The following SLF2 variants were observed in gnomAD, a reference collection of about 807,000 sequenced individuals.
The protein encoded by SLF2 is SMC5-SMC6 complex localization factor protein 2.
Under a neutral mutation model 124.3 loss-of-function variants are expected in SLF2, and 68 were observed. That is an observed-to-expected ratio of 0.55 (90% CI 0.45 to 0.67). The LOEUF (loss-of-function observed/expected upper bound fraction) is 0.67, where lower values mean the gene tolerates loss of function less well. SLF2 is among the 30% of genes least tolerant of loss of function. The probability of loss-of-function intolerance (pLI) is 0.00; values close to 1 mark genes in which losing one functional copy is unlikely to be tolerated. For missense variants in SLF2, 1,246 were observed against 1,373.7 expected, an observed-to-expected ratio of 0.91 and a Z score of 1.47; for synonymous variants, 480 against 478.8, an observed-to-expected ratio of 1.00 and a Z score of -0.03.
chr10:100,931,436 G>A (rs1212274305), intron 9 of SLF2, among the ~76,000 whole-genome samples: 2 of 151,482 alleles, frequency 1.3e-5, no homozygotes, highest in African/African-American at 4.8e-5. Context: ...AATTTTAATT[G>A]TATGCTAATA....
chr10:100,946,325 C>CTT lies in SLF2; in HGVS notation c.2935-697_2935-696dup, dbSNP rs34242980. 8.8e-4 allele frequency among the ~76,000 whole-genome samples: 110 copies of CTT among 124,936 alleles called. No homozygotes were observed. The East Asian group carries it at 0.011, about 13-fold the overall frequency. The allele number at this position is 124,936 out of a possible 152,430, so 82.0% of individuals were successfully genotyped here. On this transcript the variant is annotated intron_variant, in intron 13 of 19. Transcript: ENST00000238961. ...TAATACATATTTTGGGGGTGTTAGG[C>CTT]TTTTTTTTTTTTTTTTTTCTGTAAG... is the stretch of plus-strand genomic sequence containing the variant.
rs1850483041 is a variant in SLF2, at chr10:100,964,928, A to G, written c.*3016A>G. On this transcript the variant is annotated 3_prime_UTR_variant, in exon 20 of 20. Transcript: ENST00000238961. The stretch of plus-strand genomic sequence containing the variant: ...CATGATCCATGGTTATTCCTTACTC[A>G]TGAACAGTGTCGGCGCACCTCATTA... 6.6e-6 allele frequency: 1 copy of G among 152,524 alleles called. No homozygotes were observed. The allele number at this position is 152,524 out of a possible 1,614,324, so 9.4% of individuals were successfully genotyped here.
At chr10:100,949,492 A>G (rs958211948) in intron 15 of SLF2, among the ~76,000 whole-genome samples, 2 of 152,144 alleles carry the variant, frequency 1.3e-5, no homozygotes, top group Middle Eastern at 3.2e-3. Flanking sequence ...TTGACTTTCA[A>G]ATAATTTAAC....
In SLF2 at chr10:100,929,858, A is replaced by G. The variant is rs749235384; in HGVS notation, c.2194A>G (p.Ile732Val). The change falls in exon 8 of 20, where the codon ATT becomes GTT. Residue 732 changes from isoleucine (I) to valine (V), a missense_variant. Physicochemically the swap from Ile to Val is conservative, Grantham distance 29. Transcript: ENST00000238961. ...ATTTCTAAAGAAATTTTCAGTTACA[A>G]TTGATGCTATTCCTGATCATCATCC... ...KEFLKKFSVT[I>V]DAIPDHHPGE... 2 of 1,579,340 alleles carry G rather than the reference A, an allele frequency of 1.3e-6. No homozygotes were observed. The highest frequency in any genetic ancestry group is 1.2e-5 in the South Asian group (1 of 83,844).
At chr10:100,936,462 T>G (rs934061599) in intron 9 of SLF2, among the ~76,000 whole-genome samples, 7 of 151,992 alleles carry the variant, frequency 4.6e-5, no homozygotes, top group Admixed American at 3.9e-4. Flanking sequence ...GCCTCCCGAG[T>G]AGCTGGGACT....
intron 1 of SLF2, among the ~76,000 whole-genome samples, chr10:100,915,000 C>T (rs1020963050): frequency 4.6e-5 from 7 of 152,108 alleles, no homozygotes; most frequent in Admixed American, 4.6e-4. Context: ...ATTTTTTGTT[C>T]AGCATATCAT....
Position 100,929,813 on chromosome 10 carries a change from C to T in SLF2, c.2166-17C>T. On this transcript the variant is annotated splice_polypyrimidine_tract_variant and intron_variant, in intron 7 of 19. Transcript: ENST00000238961. ...AGTGTAACAATTTGGTATTGATTGA[C>T]TTTTTTTATGTTTCAGGGAATTTCT... 1 of 1,558,054 alleles carries T rather than the reference C, an allele frequency of 6.4e-7. No individual in the cohort carries two copies. Among genetic ancestry groups the T allele is most frequent in the Non-Finnish European group, 8.7e-7 (1 of 1,154,234 alleles).
intron 8 of SLF2, 101 bp from the exon 9 acceptor site, chr10:100,930,875 G>T: frequency 1.2e-6 from 1 of 860,122 alleles, no homozygotes; most frequent in Non-Finnish European, 1.9e-6. Flanking sequence ...AAGACAGTTT[G>T]CTTGCTCATT....
At position 100,937,490 on chromosome 10, in the gene SLF2, A is replaced by C. The variant is rs1237286498; in HGVS notation, c.2512+13A>C. 2.1e-6 allele frequency: 3 copies of C among 1,461,310 alleles called. No homozygotes were observed. Among genetic ancestry groups the C allele is most frequent in the Admixed American group, 1.7e-5 (1 of 59,794 alleles). 90.5% of individuals were successfully genotyped at this position (1,461,310 alleles called of 1,614,324 possible). The stretch of plus-strand genomic sequence containing the variant: ...ACAATTAGAAATGGTAAGTATATCA[A>C]CTTATTAAGATTTACCGTGTGTATT... On this transcript the variant is annotated intron_variant, in intron 10 of 19. Transcript: ENST00000238961.
At chr10:100,933,710 C>T (rs1045440241) in intron 9 of SLF2, among the ~76,000 whole-genome samples, 1 of 152,118 alleles carries the variant, frequency 6.6e-6, no homozygotes, top group Non-Finnish European at 1.5e-5. Context: ...GAGAGAGTCT[C>T]ACTTGGTCAC....
At position 100,929,817 on chromosome 10, in the gene SLF2, T is replaced by C; in HGVS notation, c.2166-13T>C. ...TAACAATTTGGTATTGATTGACTTT[T>C]TTTATGTTTCAGGGAATTTCTAAAG... is the stretch of plus-strand genomic sequence containing the variant. On this transcript the variant is annotated splice_polypyrimidine_tract_variant and intron_variant, in intron 7 of 19. Transcript: ENST00000238961. 1 of 1,563,638 alleles carries C rather than the reference T, an allele frequency of 6.4e-7. No homozygotes were observed. The highest frequency in any genetic ancestry group is 1.2e-5 in the South Asian group (1 of 82,852).
chr10:100,923,268 A>G (rs758872094), intron 4 of SLF2, among the ~76,000 whole-genome samples: 2 of 152,116 alleles, frequency 1.3e-5, no homozygotes, highest in African/African-American at 2.4e-5. Context: ...TGAAATCAGG[A>G]TATCAATAGG....
intron 1 of SLF2, chr10:100,913,945 T>C: frequency 1.1e-6 from 1 of 906,144 alleles, no homozygotes; most frequent in Non-Finnish European, 1.3e-6. Context: ...ACAATATTCA[T>C]GTTACTAATA....
At position 100,937,414 on chromosome 10, in the gene SLF2, C is replaced by A; in HGVS notation, c.2449C>A (p.His817Asn). The change falls in exon 10 of 20, where the codon CAT becomes AAT. Residue 817 changes from histidine (H) to asparagine (N), a missense_variant. Coordinates refer to ENST00000238961, the MANE Select transcript of SLF2 (RefSeq NM_018121.4). ...LKWLFRMMSV[H>N]TDCIVSVQIL... ...CTGCTTTTGACAGATGATGTCAGTTCATACAGACTGTATTGTGTCAGTGCA... is the reference window on the plus strand; with the variant it reads ...CTGCTTTTGACAGATGATGTCAGTTAATACAGACTGTATTGTGTCAGTGCA... 1 of 1,608,638 alleles carries A rather than the reference C, an allele frequency of 6.2e-7. No homozygotes were observed. The highest frequency in any genetic ancestry group is 1.1e-5 in the South Asian group (1 of 90,938).
chr10:100,934,769 C>T (rs1171610275), intron 9 of SLF2, among the ~76,000 whole-genome samples: 1 of 151,250 alleles, frequency 6.6e-6, no homozygotes, highest in African/African-American at 2.4e-5. Context: ...CCCACCACCA[C>T]GCCCAGCTAA....
chr10:100,922,622 G>GT (rs375829390), intron 4 of SLF2, among the ~76,000 whole-genome samples: 196 of 151,008 alleles, frequency 1.3e-3, no homozygotes, highest in East Asian at 5.1e-3. Context: ...AATTTTTTGT[G>GT]TTTTTTTTTG....
At chr10:100,959,382 A>C in intron 18 of SLF2, 46 bp from the exon 19 acceptor site, 1 of 1,550,576 alleles carries the variant, frequency 6.4e-7, no homozygotes, top group South Asian at 1.2e-5. Context: ...ATTGTAGGTG[A>C]GAATGTTTTA....
intron 11 of SLF2, chr10:100,943,822 G>A: frequency 2.3e-6 from 1 of 431,070 alleles, no homozygotes; most frequent in Non-Finnish European, 4.1e-6. Context: ...ACTTTTGAGG[G>A]GAATGGAAAT....
rs1850119328 is a variant in SLF2, at chr10:100,947,076, G to C, written c.2972G>C (p.Ser991Thr). The change falls in exon 14 of 20, where the codon AGT becomes ACT. Residue 991 changes from serine (S) to threonine (T), a missense_variant. Ser to Thr is a moderately conservative substitution (Grantham distance 58). Around this residue, in one of 3 missense-constraint regions of SLF2, gnomAD observed 535 missense variants for 632.8 expected, o/e 0.85. Transcript: ENST00000238961. ...TGTCTGGGCATAAATGAACTCTCCA[G>C]TCATCCCCACAACCTCCTGTGGTTG... The part of the protein sequence containing the change: ...ELCLGINELS[S>T]HPHNLLWLVQ... 1 of 1,612,408 alleles carries C rather than the reference G, an allele frequency of 6.2e-7. No homozygotes were observed. Among genetic ancestry groups the C allele is most frequent in the Non-Finnish European group, 8.5e-7 (1 of 1,179,434 alleles).
Sources: gnomAD v4.1 joint callset for allele counts (sites outside exome capture counted in the v4.1 genomes callset) on GRCh38, gnomAD v4.1.1 for gene constraint, gnomAD v4.1.1 regional missense constraint, MANE v1.5 for transcripts, NCBI Gene and HGNC (gene_info 2026-07-23, HGNC 2026-07-21) for gene names.